CSNK1G1: variants seen among roughly 807,000 people sequenced by gnomAD.
CSNK1G1 encodes the protein casein kinase 1 gamma 1.
In CSNK1G1, 22 loss-of-function variants were observed where a neutral mutation model predicts 59.6. That is an observed-to-expected ratio of 0.37 (90% CI 0.26 to 0.53). The LOEUF is 0.53. Among genes scored for constraint, CSNK1G1 ranks in the 20% least tolerant of loss-of-function variants. CSNK1G1 has a pLI of 0.89. For missense variants in CSNK1G1, 384 were observed against 519.5 expected (o/e 0.74, Z 2.54); for synonymous variants, 179 against 177.1 (o/e 1.01, Z -0.08).
At chr15:64,300,978 T>C (rs966467174) in intron 1 of CSNK1G1, among the ~76,000 whole-genome samples, 2 of 152,234 alleles carry the variant, frequency 1.3e-5, no homozygotes, top group African/African-American at 4.8e-5. Context: ...TTTCTTCTAG[T>C]AATGTATCTA....
rs1893776628 is a variant in CSNK1G1, at chr15:64,277,742, GATATATTTAATAATATAGCA to G, written c.182-18521_182-18502del. Among the ~76,000 whole-genome samples, 8 of 63,266 alleles carry G rather than the reference GATATATTTAATAATATAGCA, an allele frequency of 1.3e-4. No homozygotes were observed. In the East Asian group the frequency reaches 0.012, roughly 95 times the overall value. 41.5% of individuals were successfully genotyped at this position (63,266 alleles called of 152,430 possible). A position where few individuals can be genotyped will look rare whatever the true frequency, so the allele number is the denominator to read the frequency against. On this transcript the variant is annotated intron_variant, in intron 2 of 11. Transcript: ENST00000303052. ...ATATATTTAATAATATATTAATATT[GATATATTTAATAATATAGCA>G]ATATTGATATATTTAATAATATATT...
chr15:64,260,724 T>C (rs1892646748), intron 2 of CSNK1G1, among the ~76,000 whole-genome samples: 1 of 151,892 alleles, frequency 6.6e-6, no homozygotes, highest in Non-Finnish European at 1.5e-5. Context: ...GGCAACAGAG[T>C]GAGACTCCAT....
rs547750155 is a variant in CSNK1G1, at chr15:64,304,680, T to G, written c.-224-3957A>C. ...AAAAAAAGTTTCACTAATTTACTGT[T>G]TGTATATTTCAGATTCTCATATATT... On this transcript the variant is annotated intron_variant, in intron 1 of 11. Coordinates refer to ENST00000303052, the MANE Select transcript of CSNK1G1 (RefSeq NM_022048.5). 3.9e-5 allele frequency among the ~76,000 whole-genome samples: 6 copies of G among 152,326 alleles called. No homozygotes were observed. In the East Asian group the frequency reaches 7.7e-4, roughly 20 times the overall value.
chr15:64,226,209 T>C (rs1460496348), intron 4 of CSNK1G1, among the ~76,000 whole-genome samples: 1 of 152,122 alleles, frequency 6.6e-6, no homozygotes, highest in Non-Finnish European at 1.5e-5. Flanking sequence ...CAGGTAAAAG[T>C]GTGTTGTGTA....
At chr15:64,351,930 G>A (rs1239918617) in intron 1 of CSNK1G1, among the ~76,000 whole-genome samples, 1 of 152,042 alleles carries the variant, frequency 6.6e-6, no homozygotes, top group Non-Finnish European at 1.5e-5. Context: ...GAAGACAGGG[G>A]AAAAAGTGGG....
At chr15:64,212,961 G>A (rs374297641) in intron 6 of CSNK1G1, among the ~76,000 whole-genome samples, 8 of 150,992 alleles carry the variant, frequency 5.3e-5, no homozygotes, top group African/African-American at 9.8e-5. Flanking sequence ...AGCCGAAATC[G>A]TGCCACTGCA....
At chr15:64,245,733 C>T (rs1248846738) in intron 4 of CSNK1G1, among the ~76,000 whole-genome samples, 1 of 150,962 alleles carries the variant, frequency 6.6e-6, no homozygotes, top group Non-Finnish European at 1.5e-5. Flanking sequence ...AGCGAGACCC[C>T]GGTTCTCCAC....
At chr15:64,199,514 T>C (rs1021739880) in intron 10 of CSNK1G1, among the ~76,000 whole-genome samples, 2 of 152,124 alleles carry the variant, frequency 1.3e-5, no homozygotes, top group East Asian at 3.9e-4. Context: ...AACCACAGCA[T>C]TGGTTATAAA....
At chr15:64,230,939 A>T (rs1319350851) in intron 4 of CSNK1G1, among the ~76,000 whole-genome samples, 1 of 152,086 alleles carries the variant, frequency 6.6e-6, no homozygotes, top group Non-Finnish European at 1.5e-5. Flanking sequence ...GTGCCACTGC[A>T]CTCCAGCCTG....
intron 2 of CSNK1G1, among the ~76,000 whole-genome samples, chr15:64,276,081 C>T (rs1893597010): frequency 6.6e-6 from 1 of 152,016 alleles, no homozygotes; most frequent in South Asian, 2.1e-4. Context: ...TAAAGTGAGG[C>T]TACGTGGAGT....
intron 1 of CSNK1G1, among the ~76,000 whole-genome samples, chr15:64,338,354 A>G (rs1386389476): frequency 6.6e-6 from 1 of 152,208 alleles, no homozygotes; most frequent in East Asian, 1.9e-4. Context: ...TAGATGTGCA[A>G]GAACCATTTT....
chr15:64,350,797 T>G lies in CSNK1G1; in HGVS notation c.-225+5191A>C, dbSNP rs1279138422. ...GAAACAGATGGCATCTAAATTTTTT[T>G]TCCTGAGTCCATCTTGAACACAATC... On this transcript the variant is annotated intron_variant, in intron 1 of 11. Transcript: ENST00000303052. Among the ~76,000 whole-genome samples the G allele has an allele frequency of 2.6e-4, 39 of 152,200 alleles. 1 individual carries two copies. The highest frequency in any genetic ancestry group is 2.6e-3 in the Admixed American group (39 of 15,274).
At chr15:64,326,733 G>A (rs1277103294) in intron 1 of CSNK1G1, among the ~76,000 whole-genome samples, 5 of 151,820 alleles carry the variant, frequency 3.3e-5, no homozygotes, top group African/African-American at 1.2e-4. Flanking sequence ...CGCAGAAGAC[G>A]GGTGATTTCT....
chr15:64,307,126 T>C (rs1051655723), intron 1 of CSNK1G1, among the ~76,000 whole-genome samples: 3 of 152,180 alleles, frequency 2.0e-5, no homozygotes, highest in Admixed American at 1.3e-4. Context: ...ATACATTCTA[T>C]CTAATGTAAA....
chr15:64,204,721 T>C (rs1317121229), intron 8 of CSNK1G1, 132 bp from the exon 9 acceptor site: 7 of 1,204,186 alleles, frequency 5.8e-6, no homozygotes, highest in African/African-American at 1.5e-5. Context: ...ACTGACAAAA[T>C]AAAAGTGATA....
intron 2 of CSNK1G1, among the ~76,000 whole-genome samples, chr15:64,268,172 T>C (rs1370054791): frequency 6.6e-6 from 1 of 152,176 alleles, no homozygotes; most frequent in Non-Finnish European, 1.5e-5. Flanking sequence ...TGCTGTCATT[T>C]GTGGCAAAGG....
At chr15:64,279,895 C>T (rs147006792) in intron 2 of CSNK1G1, among the ~76,000 whole-genome samples, 3,029 of 151,608 alleles carry the variant, frequency 0.02, 22 homozygotes, top group East Asian at 0.034. Context: ...TCCCTTGAAC[C>T]CAGGAGGCGG....
At chr15:64,267,583 G>A (rs6494470) in intron 2 of CSNK1G1, among the ~76,000 whole-genome samples, 2,314 of 152,166 alleles carry the variant, frequency 0.015, 54 homozygotes, top group African/African-American at 0.046. Flanking sequence ...CAAATCATCA[G>A]GGAAATCAAG....
rs1251111478 is a variant in CSNK1G1, at chr15:64,214,138, A to C, written c.445-14T>G. Reference sequence around the variant, plus strand: ...CATTCGAGAAAGCTGAAAGAGAAACAAATGATAGAAAGACTGTAAAGAAGT... The same window carrying C: ...CATTCGAGAAAGCTGAAAGAGAAACCAATGATAGAAAGACTGTAAAGAAGT... On this transcript the variant is annotated splice_polypyrimidine_tract_variant and intron_variant, in intron 5 of 11. Transcript: ENST00000303052. The surrounding 1 kb of genome is among the most constrained non-coding windows in gnomAD (Gnocchi z 4.3). 1 of 1,549,480 alleles carries C rather than the reference A, an allele frequency of 6.5e-7. No homozygotes were observed. Among genetic ancestry groups the C allele is most frequent in the Non-Finnish European group, 8.9e-7 (1 of 1,121,172 alleles).
Sources: allele counts gnomAD v4.1 joint callset (sites outside exome capture counted in the v4.1 genomes callset), GRCh38; gene constraint gnomAD v4.1.1; non-coding constraint Gnocchi (gnomAD v3.1); transcripts MANE v1.5; gene names NCBI Gene and HGNC (gene_info 2026-07-23, HGNC 2026-07-21).